GALNT16: variants seen among roughly 807,000 people sequenced by gnomAD.
The protein encoded by GALNT16 is polypeptide N-acetylgalactosaminyltransferase 16.
GALNT16 carries 40 observed loss-of-function variants against 76.1 expected under a neutral mutation model. The observed-to-expected ratio is 0.53, with a 90% confidence interval of 0.41 to 0.68. The LOEUF is 0.68. Among genes scored for constraint, GALNT16 ranks in the 30% least tolerant of loss-of-function variants. The pLI, the probability that GALNT16 is intolerant of heterozygous loss-of-function variation, is 0.00. For synonymous variants in GALNT16, 276 were observed against 285.2 expected (o/e 0.97, Z 0.32); for missense variants, 621 against 731.9 (o/e 0.85, Z 1.75).
At chr14:69,323,748 C>T (rs889890122) in intron 2 of GALNT16, among the ~76,000 whole-genome samples, 1 of 152,184 alleles carries the variant, frequency 6.6e-6, no homozygotes, top group African/African-American at 2.4e-5. Context: ...TAGTGGGACT[C>T]CTGCCTGTCT....
chr14:69,374,654 C>T, the GALNT16 span, among the ~76,000 whole-genome samples: 3 of 152,234 alleles, frequency 2.0e-5, no homozygotes, highest in East Asian at 3.9e-4. Context: ...TGGAATATCC[C>T]GAGGTTTTTA....
intron 14 of GALNT16, chr14:69,348,308 G>T: frequency 1.8e-6 from 1 of 552,540 alleles, no homozygotes; most frequent in Non-Finnish European, 3.2e-6. Context: ...TCAAATAAGT[G>T]TTAGCTTTTA....
At position 69,260,277 on chromosome 14, in the gene GALNT16, C is replaced by T. The variant is rs1358432453; in HGVS notation, c.-14C>T. On this transcript the variant is annotated 5_prime_UTR_variant, in exon 1 of 15. Transcript: ENST00000448469. The stretch of plus-strand genomic sequence containing the variant: ...CCGGCCCAGTCCCCCACCTGGGGCG[C>T]CCGTCTGCCCACCATGAGGAAGATC... 1.2e-6 allele frequency: 2 copies of T among 1,611,394 alleles called. No individual in the cohort carries two copies. Among genetic ancestry groups the T allele is most frequent in the East Asian group, 2.2e-5 (1 of 44,792 alleles).
chr14:69,372,491 CTTTTTTTTTT>C, the GALNT16 span, among the ~76,000 whole-genome samples: 6 of 103,778 alleles, frequency 5.8e-5, no homozygotes, highest in African/African-American at 1.5e-4. Context: ...GATCATTAGC[CTTTTTTTTTT>C]TTTTTTTTTT....
At chr14:69,384,676 T>C in the GALNT16 span, among the ~76,000 whole-genome samples, 1 of 152,060 alleles carries the variant, frequency 6.6e-6, no homozygotes, top group African/African-American at 2.4e-5. Context: ...AATAGAAAAT[T>C]ATCAATAATT....
At chr14:69,348,160 A>G in intron 14 of GALNT16, 158 bp downstream of exon 14, 1 of 665,436 alleles carries the variant, frequency 1.5e-6, no homozygotes, top group East Asian at 2.7e-5. Flanking sequence ...AGGTCAAGCC[A>G]ATTATTCTGC....
chr14:69,335,592 C>T (rs2045406191), intron 9 of GALNT16, among the ~76,000 whole-genome samples: 1 of 152,162 alleles, frequency 6.6e-6, no homozygotes. Flanking sequence ...TCAAACTCTG[C>T]CTGAGGCAAG....
chr14:69,372,491 CTTT>C, the GALNT16 span, among the ~76,000 whole-genome samples: 68 of 103,746 alleles, frequency 6.6e-4, 1 homozygote, highest in African/African-American at 1.4e-3. Flanking sequence ...GATCATTAGC[CTTT>C]TTTTTTTTTT....
At chr14:69,361,497 A>G (rs1392709396), downstream of GALNT16, among the ~76,000 whole-genome samples, 5 of 152,166 alleles carry the variant, frequency 3.3e-5, no homozygotes, top group East Asian at 1.9e-4. Flanking sequence ...ATCAGTCTGT[A>G]TATTCATAGA....
intron 1 of GALNT16, among the ~76,000 whole-genome samples, chr14:69,276,554 G>A (rs577410251): frequency 2.6e-5 from 4 of 152,126 alleles, no homozygotes; most frequent in East Asian, 3.9e-4. Flanking sequence ...GGTGGTGTGC[G>A]CCTGTAATCC....
chr14:69,330,590 T>C (rs1147463), intron 6 of GALNT16, among the ~76,000 whole-genome samples: 109,927 of 152,192 alleles, frequency 0.72, 40,989 homozygotes, highest in African/African-American at 0.9. Flanking sequence ...AAGGTCTCTG[T>C]TGATCAGCCC....
At chr14:69,267,672 T>A (rs2044358054) in intron 1 of GALNT16, among the ~76,000 whole-genome samples, 1 of 152,046 alleles carries the variant, frequency 6.6e-6, no homozygotes. Flanking sequence ...CAGCAGGGGA[T>A]GGAGAGAGGG....
chr14:69,277,262 G>A (rs915828752), intron 1 of GALNT16, among the ~76,000 whole-genome samples: 1 of 152,262 alleles, frequency 6.6e-6, no homozygotes, highest in African/African-American at 2.4e-5. Context: ...TAGGGTACAT[G>A]TGCACAACGT....
rs114104471 is a variant in GALNT16, at chr14:69,312,260, T to A, written c.178-8451T>A. The stretch of plus-strand genomic sequence containing the variant: ...AGCAAGACCCTATCTCTAAAAAAAA[T>A]TTTTTTTAAATTAACTGTGATCAGT... On this transcript the variant is annotated intron_variant, in intron 1 of 14. Transcript: ENST00000448469. Among the ~76,000 whole-genome samples, 977 of 152,010 alleles carry A rather than the reference T, an allele frequency of 6.4e-3. 16 individuals carry two copies. The highest frequency in any genetic ancestry group is 0.022 in the African/African-American group (913 of 41,446).
intron 1 of GALNT16, among the ~76,000 whole-genome samples, chr14:69,280,767 T>C (rs372682474): frequency 3.3e-5 from 5 of 151,900 alleles, no homozygotes; most frequent in African/African-American, 9.7e-5. Flanking sequence ...TGGTGGCAGA[T>C]TGGGGGAACA....
chr14:69,314,830 G>A (rs1485372745), intron 1 of GALNT16, among the ~76,000 whole-genome samples: 1 of 152,112 alleles, frequency 6.6e-6, no homozygotes, highest in East Asian at 1.9e-4. Flanking sequence ...GCAGACTCAG[G>A]AAAAAAGTCA....
chr14:69,375,554 C>T, the GALNT16 span, among the ~76,000 whole-genome samples: 1 of 152,196 alleles, frequency 6.6e-6, no homozygotes, highest in East Asian at 1.9e-4. Flanking sequence ...GGCAACTCCT[C>T]CAACCGCAGG....
intron 9 of GALNT16, 81 bp from the exon 10 acceptor site, chr14:69,338,570 A>G: frequency 6.4e-7 from 1 of 1,574,340 alleles, no homozygotes; most frequent in Non-Finnish European, 8.7e-7. Flanking sequence ...TGAGACACCA[A>G]AGGGAAGGGA....
the GALNT16 span, among the ~76,000 whole-genome samples, chr14:69,375,087 C>T: frequency 0.045 from 6,862 of 152,222 alleles, 213 homozygotes; most frequent in South Asian, 0.11. Flanking sequence ...AGCAGGTGCA[C>T]GTATTTTTAG....
Sources: allele counts gnomAD v4.1 joint callset (sites outside exome capture counted in the v4.1 genomes callset), GRCh38; gene constraint gnomAD v4.1.1; transcripts MANE v1.5; gene names NCBI Gene and HGNC (gene_info 2026-07-23, HGNC 2026-07-21).